BAX: variants seen among roughly 807,000 people sequenced by gnomAD.
The protein encoded by BAX is apoptosis regulator BAX.
Under a neutral mutation model 26.8 loss-of-function variants are expected in BAX, and 21 were observed. That is an observed-to-expected ratio of 0.78 (90% CI 0.56 to 1.13). BAX has a LOEUF of 1.13. Among genes scored for constraint, BAX ranks in the 50% most tolerant of loss-of-function variants. BAX has a pLI of 0.00. For missense variants in BAX, 236 were observed against 254.6 expected (o/e 0.93, Z 0.50); for synonymous variants, 110 against 101.8 (o/e 1.08, Z -0.49).
intron 3 of BAX, 40 bp from the exon 4 acceptor site, chr19:48,956,158 G>A: frequency 2.0e-6 from 3 of 1,479,510 alleles, no homozygotes; most frequent in Non-Finnish European, 2.7e-6. Context: ...CCATCAGCCT[G>A]ATGCCTGCTC....
At position 48,960,845 on chromosome 19, in the gene BAX, C is replaced by A; in HGVS notation, c.405C>A (p.Thr135=). ...LCTKVPELIR[T]IMGWTLDFLR... is the part of the protein sequence containing the mutation. ...CCAAGGTGCCGGAACTGATCAGAAC[C>A]ATCATGGGCTGGACATTGGACTTCC... The change falls in exon 5 of 6, where the codon ACC becomes ACA. Residue 135 remains threonine (T), a synonymous_variant. Coordinates refer to ENST00000345358, the MANE Select transcript of BAX (RefSeq NM_138761.4). 1 of 1,614,124 alleles carries A rather than the reference C, an allele frequency of 6.2e-7. No homozygotes were observed. Among genetic ancestry groups the A allele is most frequent in the Non-Finnish European group, 8.5e-7 (1 of 1,179,992 alleles).
At chr19:48,955,316 A>G (rs2122331140) in intron 1 of BAX, 3 of 472,686 alleles carry the variant, frequency 6.3e-6, no homozygotes, top group Admixed American at 4.1e-5. Flanking sequence ...GGATGCATAT[A>G]GCGTTCCCCT....
intron 5 of BAX, 147 bp from the exon 6 acceptor site, chr19:48,961,385 C>G: frequency 8.4e-7 from 1 of 1,186,748 alleles, no homozygotes; most frequent in South Asian, 1.5e-5. Flanking sequence ...CCATGCCTGG[C>G]CTGAGTCCAG....
rs778907283 is a variant in BAX, at chr19:48,954,998, G to GC, written c.34+41dup. The GC allele has an allele frequency of 1.0e-4, 126 of 1,239,932 alleles. 1 individual carries two copies. The East Asian group carries it at 3.6e-3, about 36-fold the overall frequency. The allele number at this position is 1,239,932 out of a possible 1,614,324, so 76.8% of individuals were successfully genotyped here. On this transcript the variant is annotated intron_variant, in intron 1 of 5. Coordinates refer to ENST00000345358, the MANE Select transcript of BAX (RefSeq NM_138761.4). ...AGGCAGACGGGCGGGAGGAGGGCGA[G>GC]CCCCCTCGCCGGCCCGTCCGGGATC...
In BAX at chr19:48,960,889, G is replaced by C; in HGVS notation, c.449G>C (p.Gly150Ala). ...GACTTCCTCCGGGAGCGGCTGTTGG[G>C]CTGGATCCAAGACCAGGGTGGTTGG... ...TLDFLRERLL[G>A]WIQDQGGWDG... is the part of the protein sequence containing the mutation. Residue 150 changes from glycine to alanine, a missense_variant, in exon 5 of 6, where the codon GGC becomes GCC. Coordinates refer to ENST00000345358, the MANE Select transcript of BAX (RefSeq NM_138761.4). 2 of 1,614,050 alleles carry C rather than the reference G, an allele frequency of 1.2e-6. No individual in the cohort carries two copies. The highest frequency in any genetic ancestry group is 8.5e-7 in the Non-Finnish European group (1 of 1,180,004).
At chr19:48,961,390 G>T (rs769068905) in intron 5 of BAX, 142 bp from the exon 6 acceptor site, 59 of 1,186,260 alleles carry the variant, frequency 5.0e-5, no homozygotes, top group Non-Finnish European at 6.4e-5. Flanking sequence ...CCTGGCCTGA[G>T]TCCAGCTCTT....
intron 4 of BAX, among the ~76,000 whole-genome samples, chr19:48,960,521 G>A (rs1187973396): frequency 6.6e-6 from 1 of 152,048 alleles, no homozygotes; most frequent in African/African-American, 2.4e-5. Context: ...GTGCCACCAC[G>A]CCCGGCTAAT....
intron 3 of BAX, 53 bp from the exon 4 acceptor site, chr19:48,956,145 C>A: frequency 6.2e-6 from 9 of 1,462,004 alleles, no homozygotes. Context: ...CGGGAATTTT[C>A]CACCATCAGC....
chr19:48,959,950 G>A (rs1199835372), intron 4 of BAX, among the ~76,000 whole-genome samples: 9 of 140,244 alleles, frequency 6.4e-5, no homozygotes, highest in Admixed American at 3.0e-4. Flanking sequence ...CCGAGATTGC[G>A]CCACTGCACT....
chr19:48,954,921 C>T lies in BAX; in HGVS notation c.-8C>T. ...ACCCGGCGAGAGGCGGCGGCGGGAG[C>T]GGCGGTGATGGACGGGTCCGGGGAG... On this transcript the variant is annotated 5_prime_UTR_variant, in exon 1 of 6. Coordinates refer to ENST00000345358, the MANE Select transcript of BAX (RefSeq NM_138761.4). 4 of 1,234,302 alleles carry T rather than the reference C, an allele frequency of 3.2e-6. No individual in the cohort carries two copies. The highest frequency in any genetic ancestry group is 3.9e-5 in the South Asian group (1 of 25,448). 76.5% of individuals were successfully genotyped at this position (1,234,302 alleles called of 1,614,324 possible). A position where few individuals can be genotyped will look rare whatever the true frequency, so the allele number is the denominator to read the frequency against.
intron 4 of BAX, 106 bp downstream of exon 4, chr19:48,956,439 G>C (rs1192920661): frequency 2.3e-6 from 3 of 1,278,210 alleles, no homozygotes; most frequent in Middle Eastern, 2.1e-4. Context: ...ACCACAGAGG[G>C]CATGGAGAGA....
intron 4 of BAX, among the ~76,000 whole-genome samples, chr19:48,956,893 A>G (rs1320933809): frequency 5.1e-5 from 7 of 137,992 alleles, no homozygotes; most frequent in African/African-American, 1.9e-4. Flanking sequence ...GCTGGTCTTG[A>G]ACTCCTGACC....
At chr19:48,956,028 T>C in intron 3 of BAX, 170 bp from the exon 4 acceptor site, 1 of 1,150,372 alleles carries the variant, frequency 8.7e-7, no homozygotes, top group Non-Finnish European at 1.2e-6. Context: ...TTTCCCACCT[T>C]CCTAAATGTC....
chr19:48,959,429 C>CGG (rs1487145930), intron 4 of BAX, among the ~76,000 whole-genome samples: 6 of 147,954 alleles, frequency 4.1e-5, no homozygotes, highest in African/African-American at 1.2e-4. Context: ...TAAGAATTTG[C>CGG]TTCGTCGAGG....
intron 5 of BAX, 111 bp from the exon 6 acceptor site, chr19:48,961,421 C>A (rs766308725): frequency 1.0e-5 from 12 of 1,204,684 alleles, no homozygotes; most frequent in South Asian, 1.4e-5. Flanking sequence ...TCATCTCAGT[C>A]CCCTGCCCGC....
intron 4 of BAX, among the ~76,000 whole-genome samples, chr19:48,959,826 CAAAAAA>C (rs764008422): frequency 8.4e-6 from 1 of 118,712 alleles, no homozygotes; most frequent in African/African-American, 3.2e-5. Context: ...AACTCTATCT[CAAAAAA>C]AAAAAAAAAA....
chr19:48,956,386 G>A (rs774010704), intron 4 of BAX, 53 bp downstream of exon 4: 4 of 1,456,400 alleles, frequency 2.7e-6, no homozygotes, highest in Non-Finnish European at 3.6e-6. Flanking sequence ...AGATCTGTGA[G>A]GACCTGGGGA....
intron 5 of BAX, 107 bp downstream of exon 5, chr19:48,961,021 G>A (rs1194876077): frequency 1.9e-6 from 3 of 1,612,306 alleles, no homozygotes; most frequent in Non-Finnish European, 2.5e-6. Flanking sequence ...GCCTTCTGGA[G>A]CAGGTCACAG....
intron 1 of BAX, 63 bp from the exon 2 acceptor site, chr19:48,955,485 A>G: frequency 1.9e-6 from 3 of 1,546,370 alleles, no homozygotes; most frequent in Non-Finnish European, 2.6e-6. Flanking sequence ...GTGAGTCTCC[A>G]CAGTCTCCTG....
Sources: allele counts gnomAD v4.1 joint callset (sites outside exome capture counted in the v4.1 genomes callset), GRCh38; gene constraint gnomAD v4.1.1; transcripts MANE v1.5; gene names NCBI Gene and HGNC (gene_info 2026-07-23, HGNC 2026-07-21).